The following SLC10A7 variants were observed in gnomAD, a reference collection of about 807,000 sequenced individuals.
SLC10A7 encodes the protein solute carrier family 10 member 7.
A neutral mutation model predicts 43.2 loss-of-function variants in SLC10A7; 29 were observed. The ratio of observed to expected loss-of-function variants is 0.67; its 90% CI spans 0.50 to 0.92. The LOEUF (loss-of-function observed/expected upper bound fraction) is 0.92. SLC10A7 is among the 40% of genes least tolerant of loss of function. The probability of loss-of-function intolerance (pLI) is 0.00; values close to 1 mark genes in which losing one functional copy is unlikely to be tolerated. For synonymous variants in SLC10A7, 152 were observed against 144.8 expected (o/e 1.05, Z -0.35); for missense variants, 295 against 403.2 (o/e 0.73, Z 2.30).
In SLC10A7 at chr4:146,407,152, G is replaced by A. The variant is rs572887938; in HGVS notation, c.435+35631C>T. 1.6e-4 allele frequency among the ~76,000 whole-genome samples: 25 copies of A among 152,294 alleles called. 1 individual carries two copies. The South Asian group carries it at 5.0e-3, about 30-fold the overall frequency. ...ACATAGAAGTCAAGCTATGGCAAGT[G>A]AGGCTGAAAGTATACCTGAGAAAAG... On this transcript the variant is annotated intron_variant, in intron 5 of 11. Coordinates refer to ENST00000335472, the MANE Select transcript of SLC10A7 (RefSeq NM_001029998.6).
In SLC10A7 at chr4:146,356,055, T is replaced by A. The variant is rs976640915; in HGVS notation, c.436-30059A>T. On this transcript the variant is annotated intron_variant, in intron 5 of 11. Transcript: ENST00000335472. The stretch of plus-strand genomic sequence containing the variant: ...AAAGTATAATAAAAAAAAAAAAATA[T>A]ATATATATATATACATATATATAGT... Among the ~76,000 whole-genome samples the A allele has an allele frequency of 4.9e-4, 61 of 125,334 alleles. No individual in the cohort carries two copies. In the East Asian group the frequency reaches 9.1e-3, roughly 19 times the overall value. The allele number at this position is 125,334 out of a possible 152,430, so 82.2% of individuals were successfully genotyped here. A position where few individuals can be genotyped will look rare whatever the true frequency, so the allele number is the denominator to read the frequency against.
chr4:146,320,833 AG>A (rs1402019893), intron 6 of SLC10A7, among the ~76,000 whole-genome samples: 1 of 152,092 alleles, frequency 6.6e-6, no homozygotes, highest in Non-Finnish European at 1.5e-5. Context: ...CAACCTTCAA[AG>A]GAACCAGGGC....
intron 4 of SLC10A7, among the ~76,000 whole-genome samples, chr4:146,472,546 T>C (rs558920184): frequency 6.6e-6 from 1 of 151,040 alleles, no homozygotes; most frequent in Non-Finnish European, 1.5e-5. Context: ...CCAGCTGGGA[T>C]AGGAAGAGGG....
intron 5 of SLC10A7, among the ~76,000 whole-genome samples, chr4:146,328,787 A>G (rs1347035277): frequency 6.6e-6 from 1 of 152,088 alleles, no homozygotes. Context: ...GCAACCTACC[A>G]AACCAACACT....
intron 9 of SLC10A7, among the ~76,000 whole-genome samples, chr4:146,291,499 A>C (rs1730441593): frequency 1.3e-5 from 2 of 152,116 alleles, no homozygotes; most frequent in African/African-American, 4.8e-5. Flanking sequence ...CAAGCCTTAT[A>C]AACAGCATAG....
At position 146,372,881 on chromosome 4, in the gene SLC10A7, A is replaced by G. The variant is rs556407371; in HGVS notation, c.436-46885T>C. Among the ~76,000 whole-genome samples the G allele has an allele frequency of 5.9e-5, 9 of 152,354 alleles. No individual in the cohort carries two copies. In the South Asian group the frequency reaches 1.9e-3, roughly 32 times the overall value. On this transcript the variant is annotated intron_variant, in intron 5 of 11. Coordinates refer to ENST00000335472, the MANE Select transcript of SLC10A7 (RefSeq NM_001029998.6). Reference sequence around the variant, plus strand: ...TACATTTAGCAATATAAATTATGAAATAATAAATCCAAGTAAATCATCCAG... The same window carrying G: ...TACATTTAGCAATATAAATTATGAAGTAATAAATCCAAGTAAATCATCCAG...
In SLC10A7 at chr4:146,255,771, T is replaced by C. The variant is rs1727856490; in HGVS notation, c.*720A>G. ...AAGAGGAAGAAGATATTAAGATATA[T>C]TTTAAAGACCCTGAAAATCAAATCA... On this transcript the variant is annotated 3_prime_UTR_variant, in exon 12 of 12. Transcript: ENST00000335472. 6.6e-6 allele frequency: 1 copy of C among 152,228 alleles called. No homozygotes were observed. Among genetic ancestry groups the C allele is most frequent in the African/African-American group, 2.4e-5 (1 of 41,458 alleles). 9.4% of individuals were successfully genotyped at this position (152,228 alleles called of 1,614,324 possible).
At chr4:146,258,662 G>T in intron 11 of SLC10A7, 30 bp downstream of exon 11, 1 of 1,561,248 alleles carries the variant, frequency 6.4e-7, no homozygotes, top group Non-Finnish European at 8.6e-7. Flanking sequence ...ATCTAACTTG[G>T]ATCCAAATAA....
intron 4 of SLC10A7, among the ~76,000 whole-genome samples, chr4:146,486,617 T>C (rs1273081743): frequency 6.6e-6 from 1 of 152,246 alleles, no homozygotes; most frequent in African/African-American, 2.4e-5. Context: ...TATTTGTGGC[T>C]GTTTTCCTGG....
chr4:146,478,495 T>C (rs1317264151), intron 4 of SLC10A7, among the ~76,000 whole-genome samples: 2 of 152,244 alleles, frequency 1.3e-5, no homozygotes, highest in Non-Finnish European at 2.9e-5. Context: ...TCACTGAATG[T>C]TAATCATAGA....
chr4:146,421,354 T>C (rs968604619), intron 5 of SLC10A7, among the ~76,000 whole-genome samples: 5 of 152,196 alleles, frequency 3.3e-5, no homozygotes, highest in Admixed American at 1.3e-4. Flanking sequence ...TGTAAGACAA[T>C]TGAAAAGCTC....
At chr4:146,375,528 C>T (rs966255278) in intron 5 of SLC10A7, among the ~76,000 whole-genome samples, 5 of 152,212 alleles carry the variant, frequency 3.3e-5, no homozygotes, top group Non-Finnish European at 7.3e-5. Context: ...GAACATCTAG[C>T]TCCCTTTAAC....
chr4:146,520,112 C>A (rs1241664230), intron 1 of SLC10A7, among the ~76,000 whole-genome samples: 1 of 152,184 alleles, frequency 6.6e-6, no homozygotes, highest in Non-Finnish European at 1.5e-5. Context: ...CCAAACTTAG[C>A]CCCTGCAGAT....
chr4:146,422,178 G>A (rs1282559049), intron 5 of SLC10A7, among the ~76,000 whole-genome samples: 6 of 152,072 alleles, frequency 3.9e-5, no homozygotes, highest in African/African-American at 1.4e-4. Context: ...CTTTGAAAAT[G>A]GAGAAATAAA....
At position 146,258,810 on chromosome 4, in the gene SLC10A7, G is replaced by A. The variant is rs770667433; in HGVS notation, c.875C>T (p.Ala292Val). 1.2e-6 allele frequency: 2 copies of A among 1,608,118 alleles called. No homozygotes were observed. The highest frequency in any genetic ancestry group is 2.2e-5 in the East Asian group (1 of 44,588). ...TATTAAAGAGAGATGCTCATGGCCT[G>A]CAAACACGATCTTCAGCATCGGAAT... ...LGIPMLKIVFAGHEHLSLISV... is the reference protein window; with the variant it reads ...LGIPMLKIVFVGHEHLSLISV... The change falls in exon 11 of 12, where the codon GCA becomes GTA. Residue 292 changes from alanine to valine, a missense_variant. Transcript: ENST00000335472.
intron 4 of SLC10A7, among the ~76,000 whole-genome samples, chr4:146,468,647 C>T (rs937735839): frequency 1.3e-5 from 2 of 151,458 alleles, no homozygotes; most frequent in South Asian, 2.1e-4. Flanking sequence ...TTTTTAGTAG[C>T]GACAGGGTTT....
intron 9 of SLC10A7, among the ~76,000 whole-genome samples, chr4:146,289,882 A>AT (rs1730298423): frequency 6.7e-6 from 1 of 149,914 alleles, no homozygotes; most frequent in African/African-American, 2.4e-5. Flanking sequence ...CGCTGGGCTA[A>AT]TTTTTGTATT....
intron 5 of SLC10A7, among the ~76,000 whole-genome samples, chr4:146,378,843 C>A (rs1385847): frequency 6.6e-6 from 1 of 151,940 alleles, no homozygotes; most frequent in Non-Finnish European, 1.5e-5. Context: ...TTAGCCCCAT[C>A]CTTGGCAACT....
chr4:146,286,248 ATGTTTGGAGTGGTGAGAAGGACCG>A (rs1560763317), intron 9 of SLC10A7, among the ~76,000 whole-genome samples: 27 of 15,688 alleles, frequency 1.7e-3, no homozygotes, highest in East Asian at 0.011. Flanking sequence ...GAGAAGGATC[ATGTTTGGAGTGGTGAGAAGGACCG>A]TGTTTGGAGT....
Sources: gnomAD v4.1 joint callset for allele counts (sites outside exome capture counted in the v4.1 genomes callset) on GRCh38, gnomAD v4.1.1 for gene constraint, MANE v1.5 for transcripts, NCBI Gene and HGNC (gene_info 2026-07-23, HGNC 2026-07-21) for gene names.